Variants in SCHIP1 observed in about 807,000 individuals in gnomAD.
The protein encoded by SCHIP1 is schwannomin-interacting protein 1.
A neutral mutation model predicts 29.7 loss-of-function variants in SCHIP1; 8 were observed. That is an observed-to-expected ratio of 0.27 (90% CI 0.16 to 0.49). The LOEUF (loss-of-function observed/expected upper bound fraction) is 0.49, where lower values mean the gene tolerates loss of function less well. SCHIP1 is among the 20% of genes least tolerant of loss of function. SCHIP1 has a pLI of 0.99. For synonymous variants in SCHIP1, 76 were observed against 94.9 expected (o/e 0.80, Z 1.16); for missense variants, 193 against 294.6 (o/e 0.66, Z 2.52).
the SCHIP1 span, among the ~76,000 whole-genome samples, chr3:159,805,639 G>C: frequency 6.6e-6 from 1 of 151,940 alleles, no homozygotes; most frequent in South Asian, 2.1e-4. Flanking sequence ...TTTGAGGGTG[G>C]GGCCTAAGTG....
chr3:159,575,143 G>T, the SCHIP1 span, among the ~76,000 whole-genome samples: 1 of 152,088 alleles, frequency 6.6e-6, no homozygotes, highest in African/African-American at 2.4e-5. Context: ...AGATGAACCA[G>T]GTACCTCAGT....
At chr3:159,465,068 A>T in the SCHIP1 span, among the ~76,000 whole-genome samples, 1 of 152,070 alleles carries the variant, frequency 6.6e-6, no homozygotes, top group Non-Finnish European at 1.5e-5. Context: ...CAGTTCAGGG[A>T]TGCTGTCCTC....
the SCHIP1 span, among the ~76,000 whole-genome samples, chr3:159,436,080 T>C: frequency 6.6e-6 from 1 of 152,130 alleles, no homozygotes; most frequent in Admixed American, 6.6e-5. Flanking sequence ...AACAGAAAGC[T>C]GCTGAAAATG....
chr3:159,675,879 C>G, the SCHIP1 span, among the ~76,000 whole-genome samples: 6 of 152,254 alleles, frequency 3.9e-5, no homozygotes, highest in East Asian at 1.2e-3. Context: ...TGCCTGTAAT[C>G]CCAGCACTTT....
At chr3:159,738,422 A>T in the SCHIP1 span, among the ~76,000 whole-genome samples, 14,083 of 152,250 alleles carry the variant, frequency 0.092, 892 homozygotes, top group East Asian at 0.18. Context: ...ATAATCCAGC[A>T]TGACTTAGTA....
At chr3:159,451,297 CAT>C in the SCHIP1 span, among the ~76,000 whole-genome samples, 1 of 152,208 alleles carries the variant, frequency 6.6e-6, no homozygotes, top group Admixed American at 6.5e-5. Flanking sequence ...TCTGATGACA[CAT>C]GTCTTTCTAT....
chr3:159,403,607 A>T, the SCHIP1 span, among the ~76,000 whole-genome samples: 1,525 of 152,328 alleles, frequency 0.01, 34 homozygotes, highest in African/African-American at 0.035. Flanking sequence ...GGCCAGACCT[A>T]ATCAAGGGGA....
the SCHIP1 span, among the ~76,000 whole-genome samples, chr3:159,782,325 G>A: frequency 4.2e-4 from 64 of 152,298 alleles, no homozygotes; most frequent in African/African-American, 1.3e-3. Flanking sequence ...GAGAGAGTGC[G>A]TGTGCTTTCC....
chr3:159,533,335 A>G, the SCHIP1 span, among the ~76,000 whole-genome samples: 1 of 152,178 alleles, frequency 6.6e-6, no homozygotes, highest in Admixed American at 6.5e-5. Context: ...TGTAGCCAGA[A>G]CACATAGGTG....
the SCHIP1 span, among the ~76,000 whole-genome samples, chr3:159,831,526 T>C: frequency 6.6e-6 from 1 of 152,170 alleles, no homozygotes. Context: ...CAGTAAGAGA[T>C]TCACAATAAC....
chr3:159,837,166 C>T (rs1743741837), upstream of SCHIP1, among the ~76,000 whole-genome samples: 1 of 151,814 alleles, frequency 6.6e-6, no homozygotes, highest in Non-Finnish European at 1.5e-5. Context: ...GTAATATATC[C>T]CATTGTCTTC....
chr3:159,320,446 C>T, the SCHIP1 span, among the ~76,000 whole-genome samples: 1 of 152,154 alleles, frequency 6.6e-6, no homozygotes, highest in Non-Finnish European at 1.5e-5. Flanking sequence ...TTATAAGCCA[C>T]CTGGTCTATG....
the SCHIP1 span, among the ~76,000 whole-genome samples, chr3:159,331,957 T>G: frequency 2.0e-5 from 3 of 152,194 alleles, no homozygotes; most frequent in African/African-American, 4.8e-5. Context: ...TGGGTCTTTG[T>G]GTAGGCTCCA....
chr3:159,680,629 AT>A, the SCHIP1 span, among the ~76,000 whole-genome samples: 1 of 87,646 alleles, frequency 1.1e-5, no homozygotes. Flanking sequence ...TATAATATAT[AT>A]TTTATATATT....
At chr3:159,885,073 AAG>A (rs1341307091) in intron 2 of SCHIP1, among the ~76,000 whole-genome samples, 1 of 152,246 alleles carries the variant, frequency 6.6e-6, no homozygotes, top group Non-Finnish European at 1.5e-5. Flanking sequence ...TTTTCAATAA[AAG>A]AATCACTTTA....
the SCHIP1 span, among the ~76,000 whole-genome samples, chr3:159,755,874 C>G: frequency 6.6e-6 from 1 of 152,250 alleles, no homozygotes; most frequent in African/African-American, 2.4e-5. Flanking sequence ...TCTTAAAGCT[C>G]CAAAATTATT....
chr3:159,894,673 G>C (rs1361541596), intron 6 of SCHIP1: 1 of 150,704 alleles, frequency 6.6e-6, no homozygotes, highest in East Asian at 1.9e-4. Context: ...CACAGGGCCT[G>C]CCAGGCACAT....
the SCHIP1 span, among the ~76,000 whole-genome samples, chr3:159,639,129 C>T: frequency 6.6e-6 from 1 of 151,982 alleles, no homozygotes; most frequent in Non-Finnish European, 1.5e-5. Flanking sequence ...GTCAGTTTTG[C>T]CTTTTTCTGT....
chr3:159,467,351 C>A, the SCHIP1 span, among the ~76,000 whole-genome samples: 3 of 152,032 alleles, frequency 2.0e-5, no homozygotes, highest in East Asian at 5.8e-4. Context: ...CTTGTACATT[C>A]ATTTTGGCCC....
Sources: allele counts gnomAD v4.1 joint callset (sites outside exome capture counted in the v4.1 genomes callset), GRCh38; gene constraint gnomAD v4.1.1; transcripts MANE v1.5; gene names NCBI Gene and HGNC (gene_info 2026-07-23, HGNC 2026-07-21).